Variants in CBLN2 observed in about 807,000 individuals in gnomAD.
CBLN2 encodes cerebellin-2.
A neutral mutation model predicts 15.0 loss-of-function variants in CBLN2; 7 were observed. That is an observed-to-expected ratio of 0.47 (90% confidence interval 0.27 to 0.88). The LOEUF (loss-of-function observed/expected upper bound fraction) is 0.88, where lower values mean the gene tolerates loss of function less well. Ranked by LOEUF, CBLN2 falls within the 40% of genes least tolerant of loss-of-function variation. The pLI is 0.14. For missense variants in CBLN2, 242 were observed against 304.5 expected, an observed-to-expected ratio of 0.79 and a Z score of 1.53; for synonymous variants, 149 against 135.2, an observed-to-expected ratio of 1.10 and a Z score of -0.71.
chr18:72,557,216 A>G (rs17086171), intron 1 of CBLN2, among the ~76,000 whole-genome samples: 12,938 of 152,104 alleles, frequency 0.085, 702 homozygotes, highest in South Asian at 0.15. Flanking sequence ...AATGAACTCA[A>G]ACTGAATGAA....
intron 1 of CBLN2, among the ~76,000 whole-genome samples, chr18:72,629,354 C>T (rs1206872635): frequency 6.6e-6 from 1 of 151,788 alleles, no homozygotes; most frequent in Non-Finnish European, 1.5e-5. Flanking sequence ...AAAGCATGTC[C>T]TAGAAACTAA....
At chr18:72,570,658 T>C (rs1369127136) in intron 1 of CBLN2, among the ~76,000 whole-genome samples, 1 of 151,956 alleles carries the variant, frequency 6.6e-6, no homozygotes, top group African/African-American at 2.4e-5. Context: ...AGATAGCACA[T>C]CAACACTATC....
intron 1 of CBLN2, among the ~76,000 whole-genome samples, chr18:72,582,588 G>A (rs1331222306): frequency 6.6e-6 from 1 of 152,140 alleles, no homozygotes; most frequent in East Asian, 1.9e-4. Context: ...GAGTTGTGCT[G>A]TGCCTCCTGC....
chr18:72,553,334 A>G (rs745463931), intron 1 of CBLN2, among the ~76,000 whole-genome samples: 3 of 152,188 alleles, frequency 2.0e-5, no homozygotes, highest in Non-Finnish European at 4.4e-5. Flanking sequence ...TTTGTCCAAC[A>G]TGTCAATGAG....
At chr18:72,548,046 A>G (rs1451411859), upstream of CBLN2, among the ~76,000 whole-genome samples, 1 of 152,230 alleles carries the variant, frequency 6.6e-6, no homozygotes, top group African/African-American at 2.4e-5. Context: ...GGTTTAGGAA[A>G]GAACCATCTG....
At chr18:72,547,185 A>G (rs1217215786), upstream of CBLN2, among the ~76,000 whole-genome samples, 1 of 152,136 alleles carries the variant, frequency 6.6e-6, no homozygotes, top group East Asian at 1.9e-4. Context: ...GAATGAAAAG[A>G]ATGAAATCAT....
intron 1 of CBLN2, among the ~76,000 whole-genome samples, chr18:72,630,061 G>T (rs946055071): frequency 2.0e-5 from 3 of 152,138 alleles, no homozygotes; most frequent in African/African-American, 7.2e-5. Flanking sequence ...TATAGTAGAA[G>T]TATCTGACTA....
Position 72,563,179 on chromosome 18 carries a change from C to T in CBLN2, c.16-24407G>A, listed in dbSNP as rs144236445. On this transcript the variant is annotated intron_variant, in intron 1 of 2. Transcript: ENST00000581073. ...GAGATTAAATCACAATGGGGTAAAGCCAGATTTACATTATAAAAAGGGAAA... is the reference window on the plus strand; with the variant it reads ...GAGATTAAATCACAATGGGGTAAAGTCAGATTTACATTATAAAAAGGGAAA... Among the ~76,000 whole-genome samples, 534 of 152,046 alleles carry T rather than the reference C, an allele frequency of 3.5e-3. 7 individuals are homozygous for T. The highest frequency in any genetic ancestry group is 0.013 in the African/African-American group (520 of 41,474).
chr18:72,571,758 T>A (rs2069333587), intron 1 of CBLN2, among the ~76,000 whole-genome samples: 1 of 152,214 alleles, frequency 6.6e-6, no homozygotes, highest in Non-Finnish European at 1.5e-5. Context: ...CCATATGGAA[T>A]CTTCCAGTAA....
chr18:72,542,346 A>G lies in CBLN2; in HGVS notation c.-166-20T>C, dbSNP rs1411684552. The stretch of plus-strand genomic sequence containing the variant: ...GTGAACCTGTCAGGGCACAGAACCC[A>G]AAGCCTTACACCGGGAGGTGGAGCC... On this transcript the variant is annotated intron_variant, in intron 2 of 4. Coordinates refer to ENST00000269503, the MANE Select transcript of CBLN2 (RefSeq NM_182511.4). 3.4e-6 allele frequency: 1 copy of G among 292,222 alleles called. No individual in the cohort carries two copies. Among genetic ancestry groups the G allele is most frequent in the Non-Finnish European group, 6.0e-6 (1 of 167,682 alleles). The allele number at this position is 292,222 out of a possible 1,614,324, so 18.1% of individuals were successfully genotyped here.
At chr18:72,637,305 C>T (rs1207523160) in intron 1 of CBLN2, among the ~76,000 whole-genome samples, 1 of 151,306 alleles carries the variant, frequency 6.6e-6, no homozygotes, top group Non-Finnish European at 1.5e-5. Flanking sequence ...GGCCCTCCTA[C>T]GTATTTACAT....
chr18:72,636,672 G>T (rs908111374), intron 1 of CBLN2, among the ~76,000 whole-genome samples: 2 of 152,164 alleles, frequency 1.3e-5, no homozygotes, highest in Non-Finnish European at 1.5e-5. Context: ...CCCAACTCTG[G>T]CTTTATATTT....
chr18:72,584,387 C>T lies in CBLN2; in HGVS notation c.16-45615G>A, dbSNP rs776528094. Among the ~76,000 whole-genome samples the T allele has an allele frequency of 5.7e-4, 86 of 152,068 alleles. 1 individual carries two copies. The highest frequency in any genetic ancestry group is 1.2e-3 in the Non-Finnish European group (79 of 67,996). Reference sequence around the variant, plus strand: ...AGTGCAGTGGTGCAATCTCAGCTCACTGCAACCTCTGCCTCCCAGGTTCAA... The same window carrying T: ...AGTGCAGTGGTGCAATCTCAGCTCATTGCAACCTCTGCCTCCCAGGTTCAA... On this transcript the variant is annotated intron_variant, in intron 1 of 2. Transcript: ENST00000581073.
Position 72,543,478 on chromosome 18 carries a change from G to T in CBLN2, c.-167+8C>A, listed in dbSNP as rs751199766. On this transcript the variant is annotated splice_region_variant and intron_variant, in intron 2 of 4. Transcript: ENST00000269503. This position sits in a 1 kb window ranked among gnomAD's most constrained non-coding sequence, Gnocchi z 6.8. ...ATGCGGAGGGGAGGGCAGGTCGGGG[G>T]TGGTTACCTGGAACATCCATGCTGG... 3.5e-5 allele frequency: 14 copies of T among 398,740 alleles called. No homozygotes were observed. The highest frequency in any genetic ancestry group is 6.2e-5 in the Non-Finnish European group (14 of 226,330). 24.7% of individuals were successfully genotyped at this position (398,740 alleles called of 1,614,324 possible).
intron 1 of CBLN2, among the ~76,000 whole-genome samples, chr18:72,605,308 T>G (rs565681250): frequency 2.0e-5 from 3 of 152,342 alleles, no homozygotes; most frequent in African/African-American, 7.2e-5. Context: ...TCACTTTTAC[T>G]TCTCCCCTTG....
intron 1 of CBLN2, among the ~76,000 whole-genome samples, chr18:72,596,902 G>A (rs190218582): frequency 1.3e-3 from 200 of 152,128 alleles, no homozygotes; most frequent in Admixed American, 2.6e-3. Context: ...GTCTTCTTTG[G>A]TTTAAAGCTG....
At chr18:72,591,216 CTTA>C (rs752503905) in intron 1 of CBLN2, among the ~76,000 whole-genome samples, 1 of 152,040 alleles carries the variant, frequency 6.6e-6, no homozygotes, top group East Asian at 1.9e-4. Context: ...CAGTTGCTGA[CTTA>C]TTAACTTATT....
chr18:72,609,912 G>A (rs2144952752), intron 1 of CBLN2, among the ~76,000 whole-genome samples: 1 of 152,216 alleles, frequency 6.6e-6, no homozygotes, highest in East Asian at 1.9e-4. Flanking sequence ...CTGTCATCTG[G>A]GGATGGTATT....
chr18:72,608,056 A>G (rs1421176386), intron 1 of CBLN2, among the ~76,000 whole-genome samples: 4 of 152,170 alleles, frequency 2.6e-5, no homozygotes, highest in Admixed American at 2.6e-4. Flanking sequence ...ATATATCTGT[A>G]AGGTTTTTTT....
Sources: gnomAD v4.1 joint callset for allele counts (sites outside exome capture counted in the v4.1 genomes callset) on GRCh38, gnomAD v4.1.1 for gene constraint, Gnocchi (gnomAD v3.1) non-coding constraint, MANE v1.5 for transcripts, NCBI Gene and HGNC (gene_info 2026-07-23, HGNC 2026-07-21) for gene names.